The following PHF21A variants were observed in gnomAD, a reference collection of about 807,000 sequenced individuals.
PHF21A encodes PHD finger protein 21A, also known as BHC80a.
A neutral mutation model predicts 82.5 loss-of-function variants in PHF21A; 11 were observed. The observed-to-expected ratio is 0.13, with a 90% confidence interval of 0.08 to 0.22. PHF21A has a LOEUF of 0.22. Ranked by LOEUF, PHF21A falls within the 10% of genes least tolerant of loss-of-function variation. The probability of loss-of-function intolerance (pLI) is 1.00; values close to 1 mark genes in which losing one functional copy is unlikely to be tolerated. For synonymous variants in PHF21A, 297 were observed against 302.8 expected (o/e 0.98, Z 0.20); for missense variants, 579 against 837.8 (o/e 0.69, Z 3.81).
chr11:46,019,698 T>C (rs553246474), intron 6 of PHF21A, among the ~76,000 whole-genome samples: 1 of 152,346 alleles, frequency 6.6e-6, no homozygotes, highest in African/African-American at 2.4e-5. Context: ...TGAAATTTAG[T>C]CGTATTAGTC....
chr11:45,979,682 G>A, intron 7 of PHF21A, 78 bp downstream of exon 7: 1 of 1,603,482 alleles, frequency 6.2e-7, no homozygotes, highest in Non-Finnish European at 8.5e-7. Flanking sequence ...TATAGTGTGA[G>A]ACAGGACCCA....
chr11:46,013,323 T>C (rs1240527397), intron 6 of PHF21A, among the ~76,000 whole-genome samples: 3 of 152,196 alleles, frequency 2.0e-5, no homozygotes, highest in South Asian at 2.1e-4. Flanking sequence ...CACCCCTTCC[T>C]ACCCAGACTG....
chr11:45,935,632 T>A lies in PHF21A; in HGVS notation c.1788+4A>T. On this transcript the variant is annotated splice_donor_region_variant and intron_variant, in intron 18 of 18. Transcript: ENST00000676320. ...CGACTGCTGAAGGCATGAGGTTTACTTACACTTATGGAATTGCTGAGCTGT... is the reference window on the plus strand; with the variant it reads ...CGACTGCTGAAGGCATGAGGTTTACATACACTTATGGAATTGCTGAGCTGT... 7.3e-7 allele frequency: 1 copy of A among 1,377,312 alleles called. No individual in the cohort carries two copies. The highest frequency in any genetic ancestry group is 1.0e-6 in the Non-Finnish European group (1 of 964,282). 85.3% of individuals were successfully genotyped at this position (1,377,312 alleles called of 1,614,324 possible).
chr11:45,999,971 C>A (rs2095060356), intron 6 of PHF21A, among the ~76,000 whole-genome samples: 1 of 152,218 alleles, frequency 6.6e-6, no homozygotes, highest in South Asian at 2.1e-4. Flanking sequence ...ATGACATTTA[C>A]TAAACAACCA....
chr11:46,099,347 C>CA (rs1250614192), intron 1 of PHF21A, among the ~76,000 whole-genome samples: 1 of 152,096 alleles, frequency 6.6e-6, no homozygotes, highest in East Asian at 1.9e-4. Flanking sequence ...CAAGAATAAT[C>CA]AGAGTACTTC....
At chr11:46,020,819 C>G (rs1406725073) in intron 6 of PHF21A, among the ~76,000 whole-genome samples, 3 of 152,168 alleles carry the variant, frequency 2.0e-5, no homozygotes, top group Non-Finnish European at 4.4e-5. Flanking sequence ...CCCCAACTTA[C>G]AATAGTTTGA....
At chr11:45,972,143 G>C (rs2093798819) in intron 7 of PHF21A, among the ~76,000 whole-genome samples, 1 of 151,670 alleles carries the variant, frequency 6.6e-6, no homozygotes, top group African/African-American at 2.4e-5. Flanking sequence ...AACATGACAA[G>C]GTGAAAACAA....
chr11:45,934,667 A>G (rs1467626785), intron 18 of PHF21A: 1 of 266,898 alleles, frequency 3.7e-6, no homozygotes, highest in Non-Finnish European at 7.4e-6. Context: ...AGGGTGGAAA[A>G]CACACAGTGC....
intron 6 of PHF21A, among the ~76,000 whole-genome samples, chr11:46,023,103 T>C (rs753842887): frequency 1.1e-4 from 16 of 152,138 alleles, no homozygotes; most frequent in Non-Finnish European, 2.1e-4. Flanking sequence ...CCTTGAGTGA[T>C]ATGTGGACAA....
intron 6 of PHF21A, among the ~76,000 whole-genome samples, chr11:46,074,569 C>A (rs1294769590): frequency 6.6e-6 from 1 of 152,100 alleles, no homozygotes; most frequent in Non-Finnish European, 1.5e-5. Context: ...GTGGCATGGT[C>A]TTGGCTCACT....
At chr11:45,996,812 C>G (rs1311408874) in intron 6 of PHF21A, among the ~76,000 whole-genome samples, 1 of 152,236 alleles carries the variant, frequency 6.6e-6, no homozygotes, top group African/African-American at 2.4e-5. Flanking sequence ...AAGTTTCCAT[C>G]ATAGCAGTTT....
chr11:46,087,370 CTT>C (rs1260935928), intron 3 of PHF21A, among the ~76,000 whole-genome samples: 2 of 152,196 alleles, frequency 1.3e-5, no homozygotes, highest in East Asian at 3.8e-4. Flanking sequence ...ATGGCTTTTA[CTT>C]TCTCCATCAG....
intron 6 of PHF21A, among the ~76,000 whole-genome samples, chr11:46,045,307 C>A (rs1282449628): frequency 6.6e-6 from 1 of 152,106 alleles, no homozygotes; most frequent in Non-Finnish European, 1.5e-5. Flanking sequence ...AGCATTAGCA[C>A]ACATTATTAT....
intron 6 of PHF21A, among the ~76,000 whole-genome samples, chr11:46,001,145 A>G (rs2095113019): frequency 6.6e-6 from 1 of 152,000 alleles, no homozygotes; most frequent in Admixed American, 6.6e-5. Context: ...GGAACTTACT[A>G]ACATAGCTGC....
chr11:45,966,983 T>C lies in PHF21A; in HGVS notation c.703-1375A>G, dbSNP rs564803490. On this transcript the variant is annotated intron_variant, in intron 9 of 18. Transcript: ENST00000676320. ...GGGCAAAACGCTTTCCCCTTATGCA[T>C]GAAGCTTGACCTTCAATTAACTCTT... Among the ~76,000 whole-genome samples the C allele has an allele frequency of 1.3e-4, 20 of 152,186 alleles. 1 individual carries two copies. Among genetic ancestry groups the C allele is most frequent in the African/African-American group, 4.8e-4 (20 of 41,538 alleles).
chr11:46,079,967 A>G (rs556684201), intron 4 of PHF21A, among the ~76,000 whole-genome samples: 2 of 152,300 alleles, frequency 1.3e-5, no homozygotes, highest in East Asian at 3.9e-4. Context: ...CCCAAAGTTA[A>G]CAATAACCAT....
chr11:46,076,883 A>T, intron 5 of PHF21A, 64 bp from the exon 6 acceptor site: 1 of 1,284,400 alleles, frequency 7.8e-7, no homozygotes, highest in Non-Finnish European at 1.1e-6. Flanking sequence ...TAGTAGCAGG[A>T]AGACTATGCA....
intron 18 of PHF21A, 131 bp downstream of exon 18, chr11:45,935,504 GC>G (rs2135017962): frequency 1.5e-6 from 1 of 685,962 alleles, no homozygotes; most frequent in Admixed American, 2.6e-5. Flanking sequence ...AACTGCATTT[GC>G]CCAAGTTAAT....
chr11:46,119,394 G>A (rs1321748291), intron 1 of PHF21A, among the ~76,000 whole-genome samples: 5 of 152,172 alleles, frequency 3.3e-5, no homozygotes, highest in South Asian at 2.1e-4. Flanking sequence ...GACTCCCAGA[G>A]ACATCATTTT....
Sources: gnomAD v4.1 joint callset for allele counts (sites outside exome capture counted in the v4.1 genomes callset) on GRCh38, gnomAD v4.1.1 for gene constraint, MANE v1.5 for transcripts, NCBI Gene and HGNC (gene_info 2026-07-23, HGNC 2026-07-21) for gene names.